Variants in NEDD8 observed in about 807,000 individuals in gnomAD.
The protein encoded by NEDD8 is ubiquitin-like protein NEDD8.
NEDD8 carries 1 observed loss-of-function variant against 13.8 expected under a neutral mutation model. That is an observed-to-expected ratio of 0.07 (90% CI 0.03 to 0.34). The LOEUF is 0.34. Ranked by LOEUF, NEDD8 falls within the 10% of genes least tolerant of loss-of-function variation. NEDD8 has a pLI of 0.99. For missense variants in NEDD8, 10 were observed against 95.2 expected, an observed-to-expected ratio of 0.10 and a Z score of 3.73; for synonymous variants, 31 against 33.2, an observed-to-expected ratio of 0.93 and a Z score of 0.23.
At chr14:24,229,440 G>A (rs1237406130) in intron 1 of NEDD8, among the ~76,000 whole-genome samples, 8 of 152,102 alleles carry the variant, frequency 5.3e-5, no homozygotes. Flanking sequence ...GGCTGGTCTT[G>A]AACTCCTGAC....
At chr14:24,223,741 T>A (rs894307191) in intron 1 of NEDD8, among the ~76,000 whole-genome samples, 2 of 136,464 alleles carry the variant, frequency 1.5e-5, no homozygotes, top group Admixed American at 7.1e-5. Context: ...AAAAAAAAAT[T>A]TTTTTTTTTT....
At chr14:24,228,960 T>C (rs528247155) in intron 1 of NEDD8, among the ~76,000 whole-genome samples, 22 of 152,166 alleles carry the variant, frequency 1.4e-4, no homozygotes, top group Admixed American at 3.9e-4. Flanking sequence ...AGAAGGGTGT[T>C]GCAGGAAAGA....
chr14:24,228,784 C>A (rs1238774991), intron 1 of NEDD8: 2 of 148,762 alleles, frequency 1.3e-5, no homozygotes, highest in Non-Finnish European at 3.0e-5. Flanking sequence ...TAATTAACAG[C>A]TCTTTTTTTT....
chr14:24,231,115 T>C (rs2040001593), intron 1 of NEDD8, among the ~76,000 whole-genome samples: 1 of 151,962 alleles, frequency 6.6e-6, no homozygotes, highest in Non-Finnish European at 1.5e-5. Flanking sequence ...GGTCTCCAAC[T>C]CCTGGGCTCA....
intron 1 of NEDD8, among the ~76,000 whole-genome samples, chr14:24,224,001 C>T (rs1043174030): frequency 2.6e-5 from 4 of 152,154 alleles, no homozygotes; most frequent in Admixed American, 6.5e-5. Flanking sequence ...GATCTCGGCT[C>T]ACTGCAAGCT....
At chr14:24,220,341 A>T (rs2039785500) in intron 1 of NEDD8, among the ~76,000 whole-genome samples, 1 of 152,124 alleles carries the variant, frequency 6.6e-6, no homozygotes, top group South Asian at 2.1e-4. Flanking sequence ...TTTTTTTAAG[A>T]GACAGGGTCT....
At chr14:24,229,498 G>A (rs1002499879) in intron 1 of NEDD8, among the ~76,000 whole-genome samples, 4 of 152,082 alleles carry the variant, frequency 2.6e-5, no homozygotes, top group African/African-American at 7.2e-5. Flanking sequence ...GATTACAGGC[G>A]TGAGCCACCA....
chr14:24,229,563 G>A (rs567554990), intron 1 of NEDD8, among the ~76,000 whole-genome samples: 28 of 152,262 alleles, frequency 1.8e-4, no homozygotes, highest in African/African-American at 5.5e-4. Flanking sequence ...CCATCAGTGG[G>A]CAGGTCTCAA....
intron 3 of NEDD8, 46 bp downstream of exon 3, chr14:24,218,084 CTCA>C: frequency 6.2e-7 from 1 of 1,612,414 alleles, no homozygotes; most frequent in Non-Finnish European, 8.5e-7. Context: ...CTCTCCTCTT[CTCA>C]TCTTCACATA....
chr14:24,222,404 AG>A (rs1276445604), intron 1 of NEDD8, among the ~76,000 whole-genome samples: 2 of 152,252 alleles, frequency 1.3e-5, no homozygotes, highest in Non-Finnish European at 2.9e-5. Context: ...AAAGCTTGGA[AG>A]GGTATATACA....
At chr14:24,229,294 A>ACTGCAACCTCTGCCTCC (rs2039950346) in intron 1 of NEDD8, among the ~76,000 whole-genome samples, 1 of 152,236 alleles carries the variant, frequency 6.6e-6, no homozygotes, top group Non-Finnish European at 1.5e-5. Context: ...ATCTTGGCTC[A>ACTGCAACCTCTGCCTCC]CTGCAACCTC....
intron 1 of NEDD8, chr14:24,232,037 C>CA (rs2040046143): frequency 1.5e-6 from 1 of 669,040 alleles, no homozygotes; most frequent in Admixed American, 3.2e-5. Flanking sequence ...GCAGGCATGG[C>CA]AAAATACCCC....
chr14:24,232,349 G>A lies in NEDD8; in HGVS notation c.-82C>T. On this transcript the variant is annotated 5_prime_UTR_variant, in exon 1 of 4. Transcript: ENST00000250495. ...GCCGCTGCCGCCCTCCAGCACTCTTGCCTGCAAGGGCCACTTCTACTTCCG... is the reference window on the plus strand; with the variant it reads ...GCCGCTGCCGCCCTCCAGCACTCTTACCTGCAAGGGCCACTTCTACTTCCG... The A allele has an allele frequency of 4.0e-6, 6 of 1,491,794 alleles. No individual in the cohort carries two copies. Among genetic ancestry groups the A allele is most frequent in the Non-Finnish European group, 5.4e-6 (6 of 1,101,366 alleles). The allele number at this position is 1,491,794 out of a possible 1,614,324, so 92.4% of individuals were successfully genotyped here.
chr14:24,218,411 A>G lies in NEDD8; in HGVS notation c.39T>C (p.Ile13=). 2 of 1,614,190 alleles carry G rather than the reference A, an allele frequency of 1.2e-6. No homozygotes were observed. The highest frequency in any genetic ancestry group is 2.2e-5 in the South Asian group (2 of 91,084). Residue 13 remains isoleucine (I), a synonymous_variant, in exon 2 of 4, where the codon ATT becomes ATC. Transcript: ENST00000250495. ...TGTCTGTAGGTTCAATGTCAATCTC[A>G]ATCTCCTTTCCGGTCAGCGTCTGAA... ...IKVKTLTGKE[I]EIDIEPTDKV... is the part of the protein sequence containing the mutation.
intron 1 of NEDD8, among the ~76,000 whole-genome samples, chr14:24,230,774 C>T (rs1224582435): frequency 6.6e-6 from 1 of 151,768 alleles, no homozygotes; most frequent in Non-Finnish European, 1.5e-5. Context: ...CCCACCACCA[C>T]GCCCGGCTAG....
chr14:24,217,288 T>C, intron 3 of NEDD8, 65 bp from the exon 4 acceptor site: 1 of 1,297,886 alleles, frequency 7.7e-7, no homozygotes, highest in Admixed American at 2.1e-5. Flanking sequence ...TTGTTGTTGT[T>C]GTTGTTGTTG....
chr14:24,217,487 A>G (rs1483692160), intron 3 of NEDD8, among the ~76,000 whole-genome samples: 2 of 151,968 alleles, frequency 1.3e-5, no homozygotes, highest in Admixed American at 1.3e-4. Flanking sequence ...ATGGGGTTTC[A>G]CCATGTTGGC....
chr14:24,217,069 G>C lies in NEDD8; in HGVS notation c.*58C>G. The C allele has an allele frequency of 7.3e-7, 1 of 1,377,356 alleles. No homozygotes were observed. The highest frequency in any genetic ancestry group is 1.0e-6 in the Non-Finnish European group (1 of 981,316). 85.3% of individuals were successfully genotyped at this position (1,377,356 alleles called of 1,614,324 possible). Reference sequence around the variant, plus strand: ...GTGGCTATGGTGTCCCAGAGAGTGAGAGGATATATGATGCCTCATTATGAG... The same window carrying C: ...GTGGCTATGGTGTCCCAGAGAGTGACAGGATATATGATGCCTCATTATGAG... On this transcript the variant is annotated 3_prime_UTR_variant, in exon 4 of 4. Coordinates refer to ENST00000250495, the MANE Select transcript of NEDD8 (RefSeq NM_006156.3).
intron 1 of NEDD8, among the ~76,000 whole-genome samples, chr14:24,224,557 C>T (rs2039859573): frequency 6.6e-6 from 1 of 152,212 alleles, no homozygotes. Context: ...TCTTCAGTCT[C>T]TCTAGTTACA....
Sources: gnomAD v4.1 joint callset for allele counts (sites outside exome capture counted in the v4.1 genomes callset) on GRCh38, gnomAD v4.1.1 for gene constraint, MANE v1.5 for transcripts, NCBI Gene and HGNC (gene_info 2026-07-23, HGNC 2026-07-21) for gene names.